STX17: variants seen among roughly 807,000 people sequenced by gnomAD.
STX17 encodes syntaxin-17.
A neutral mutation model predicts 35.9 loss-of-function variants in STX17; 29 were observed. That is an observed-to-expected ratio of 0.81 (90% CI 0.60 to 1.10). The LOEUF (loss-of-function observed/expected upper bound fraction) is 1.10, where lower values mean the gene tolerates loss of function less well. Ranked by LOEUF, STX17 falls within the 50% of genes least tolerant of loss-of-function variation. STX17 has a pLI of 0.00. For missense variants in STX17, 312 were observed against 352.3 expected (o/e 0.89, Z 0.92); for synonymous variants, 92 against 118.3 (o/e 0.78, Z 1.44).
At chr9:99,935,498 C>T (rs1829214899) in intron 3 of STX17, among the ~76,000 whole-genome samples, 2 of 152,182 alleles carry the variant, frequency 1.3e-5, no homozygotes, top group African/African-American at 2.4e-5. Context: ...GAATTTGGTA[C>T]AATACCTGCT....
intron 2 of STX17, among the ~76,000 whole-genome samples, chr9:99,921,546 G>A (rs901219240): frequency 6.6e-6 from 1 of 150,972 alleles, no homozygotes; most frequent in Admixed American, 6.7e-5. Context: ...GAAAATGTTG[G>A]ACAGGAAAGG....
intron 6 of STX17, among the ~76,000 whole-genome samples, chr9:99,961,491 A>C (rs1213562497): frequency 6.6e-6 from 1 of 152,188 alleles, no homozygotes; most frequent in Non-Finnish European, 1.5e-5. Flanking sequence ...GCACAAAGTC[A>C]ATTTGTTGGG....
At chr9:99,922,475 T>A (rs1253763896) in intron 2 of STX17, among the ~76,000 whole-genome samples, 1 of 152,234 alleles carries the variant, frequency 6.6e-6, no homozygotes, top group African/African-American at 2.4e-5. Flanking sequence ...TGTCCTTATC[T>A]ACTGTCAAAC....
intron 2 of STX17, among the ~76,000 whole-genome samples, chr9:99,918,204 A>G (rs1255605362): frequency 2.0e-5 from 3 of 152,184 alleles, no homozygotes; most frequent in Non-Finnish European, 4.4e-5. Context: ...ATCATAGCTC[A>G]CTGTAATGTT....
intron 6 of STX17, among the ~76,000 whole-genome samples, chr9:99,960,745 T>G (rs2118522834): frequency 6.6e-6 from 1 of 152,264 alleles, no homozygotes; most frequent in African/African-American, 2.4e-5. Flanking sequence ...CCCTGCTGCC[T>G]TTGAGCATTC....
chr9:99,922,846 G>A (rs1828914713), intron 2 of STX17, among the ~76,000 whole-genome samples: 1 of 152,238 alleles, frequency 6.6e-6, no homozygotes, highest in East Asian at 1.9e-4. Flanking sequence ...GGGCCATGGT[G>A]TGGTGTGTGT....
At chr9:99,935,780 A>G (rs765487661) in intron 3 of STX17, among the ~76,000 whole-genome samples, 2 of 152,248 alleles carry the variant, frequency 1.3e-5, no homozygotes, top group Non-Finnish European at 2.9e-5. Context: ...ACATTTGAGC[A>G]GAGATCTAAA....
chr9:99,908,749 A>G (rs997580396), intron 1 of STX17, among the ~76,000 whole-genome samples: 16 of 152,112 alleles, frequency 1.1e-4, no homozygotes, highest in African/African-American at 3.6e-4. Flanking sequence ...GGAGAATAGT[A>G]TTTAAACACA....
chr9:99,928,064 T>G (rs1400727900), intron 2 of STX17, among the ~76,000 whole-genome samples: 1 of 152,020 alleles, frequency 6.6e-6, no homozygotes, highest in Admixed American at 6.5e-5. Context: ...ATGTAACTAT[T>G]CACATCTGCT....
chr9:99,974,164 A>G lies in STX17; in HGVS notation c.*5491A>G, dbSNP rs1420670795. 1.3e-5 allele frequency among the ~76,000 whole-genome samples: 2 copies of G among 152,242 alleles called. No individual in the cohort carries two copies. The highest frequency in any genetic ancestry group is 1.5e-5 in the Non-Finnish European group (1 of 68,040). On this transcript the variant is annotated 3_prime_UTR_variant, in exon 8 of 8. Coordinates refer to ENST00000259400, the MANE Select transcript of STX17 (RefSeq NM_017919.3). The stretch of plus-strand genomic sequence containing the variant: ...CTGTGCATTTGATAGCCACAGCACA[A>G]GTATTCTTCAGGAGCATAAATCCTC...
chr9:99,948,409 G>A (rs1399466462), intron 3 of STX17, among the ~76,000 whole-genome samples: 1 of 151,676 alleles, frequency 6.6e-6, no homozygotes. Flanking sequence ...AATTACATAT[G>A]TGGCTTGTGT....
At chr9:99,920,423 A>G (rs764918354) in intron 2 of STX17, among the ~76,000 whole-genome samples, 14 of 152,236 alleles carry the variant, frequency 9.2e-5, no homozygotes, top group Non-Finnish European at 2.1e-4. Context: ...TATTGAAAGT[A>G]GTAAAGCAGC....
At chr9:99,930,708 T>A (rs1364275899) in intron 3 of STX17, among the ~76,000 whole-genome samples, 2 of 152,206 alleles carry the variant, frequency 1.3e-5, no homozygotes, top group Non-Finnish European at 2.9e-5. Context: ...TTTTCCTAGG[T>A]ATTATGCCTT....
Position 99,942,914 on chromosome 9 carries a change from C to G in STX17, c.190-8146C>G, listed in dbSNP as rs922908184. On this transcript the variant is annotated intron_variant, in intron 3 of 7. Transcript: ENST00000259400. ...TTTTCTTGCACTAATGCCATACTCTCTTAATTACTATGGCTTTATAATGAG... is the reference window on the plus strand; with the variant it reads ...TTTTCTTGCACTAATGCCATACTCTGTTAATTACTATGGCTTTATAATGAG... Among the ~76,000 whole-genome samples the G allele has an allele frequency of 6.6e-5, 10 of 152,196 alleles. 1 individual carries two copies. In the East Asian group the frequency reaches 7.7e-4, roughly 12 times the overall value.
At chr9:99,929,771 A>G (rs1057143467) in intron 3 of STX17, 1 of 151,870 alleles carries the variant, frequency 6.6e-6, no homozygotes. Context: ...AGTGAAATAC[A>G]GTACTAACTT....
chr9:99,926,856 A>G (rs966959290), intron 2 of STX17, among the ~76,000 whole-genome samples: 2 of 152,146 alleles, frequency 1.3e-5, no homozygotes, highest in Non-Finnish European at 1.5e-5. Flanking sequence ...GTTCAGGGCT[A>G]ATTTTTTCCT....
At position 99,951,147 on chromosome 9, in the gene STX17, C is replaced by G. The variant is rs762367777; in HGVS notation, c.277C>G (p.Pro93Ala). 4.3e-6 allele frequency: 7 copies of G among 1,612,956 alleles called. No individual in the cohort carries two copies. Among genetic ancestry groups the G allele is most frequent in the Non-Finnish European group, 5.1e-6 (6 of 1,179,188 alleles). Reference sequence around the variant, plus strand: ...AGTACTTCTGAAGAGAATGATAGATCCTGTTAAAGAAGAAGCATCAGCAGC... The same window carrying G: ...AGTACTTCTGAAGAGAATGATAGATGCTGTTAAAGAAGAAGCATCAGCAGC... ...DLVLLKRMID[P>A]VKEEASAATA... The change falls in exon 4 of 8, where the codon CCT becomes GCT. Residue 93 changes from proline to alanine, a missense_variant. Coordinates refer to ENST00000259400, the MANE Select transcript of STX17 (RefSeq NM_017919.3).
At position 99,916,438 on chromosome 9, in the gene STX17, C is replaced by T. The variant is rs867420992; in HGVS notation, c.123+1076C>T. Reference sequence around the variant, plus strand: ...TTATTTATTTATTTATTTATTCATTCATTCATTCATTCATTCATTCATTCA... The same window carrying T: ...TTATTTATTTATTTATTTATTCATTTATTCATTCATTCATTCATTCATTCA... On this transcript the variant is annotated intron_variant, in intron 2 of 7. Transcript: ENST00000259400. 6.7e-5 allele frequency among the ~76,000 whole-genome samples: 10 copies of T among 149,660 alleles called. No homozygotes were observed. In the East Asian group the frequency reaches 9.8e-4, roughly 15 times the overall value.
At chr9:99,908,825 A>G (rs1405841569) in intron 1 of STX17, among the ~76,000 whole-genome samples, 1 of 152,196 alleles carries the variant, frequency 6.6e-6, no homozygotes, top group Non-Finnish European at 1.5e-5. Context: ...CCCACAGAAG[A>G]CACCAGTCTA....
Sources: gnomAD v4.1 joint callset for allele counts (sites outside exome capture counted in the v4.1 genomes callset) on GRCh38, gnomAD v4.1.1 for gene constraint, MANE v1.5 for transcripts, NCBI Gene and HGNC (gene_info 2026-07-23, HGNC 2026-07-21) for gene names.